Variants in AUTS2 observed in about 807,000 individuals in gnomAD.
AUTS2 encodes the protein autism susceptibility gene 2 protein.
AUTS2 carries 17 observed loss-of-function variants against 112.4 expected under a neutral mutation model. That is an observed-to-expected ratio of 0.15 (90% confidence interval 0.10 to 0.23). The LOEUF (loss-of-function observed/expected upper bound fraction) is 0.23. Ranked by LOEUF, AUTS2 falls within the 10% of genes least tolerant of loss-of-function variation. AUTS2 has a pLI of 1.00. For synonymous variants in AUTS2, 751 were observed against 702.7 expected (o/e 1.07, Z -1.09); for missense variants, 1,510 against 1,701.6 (o/e 0.89, Z 1.98).
chr7:70,515,933 C>A (rs1024174267), intron 5 of AUTS2, among the ~76,000 whole-genome samples: 9 of 152,216 alleles, frequency 5.9e-5, no homozygotes, highest in Non-Finnish European at 1.3e-4. Flanking sequence ...ACTTATCAGC[C>A]CTAAACAGAA....
chr7:69,895,690 A>G (rs553674846), intron 1 of AUTS2, among the ~76,000 whole-genome samples: 11 of 152,326 alleles, frequency 7.2e-5, no homozygotes, highest in Admixed American at 7.2e-4. Context: ...TGCAGTGAGA[A>G]TTCCTTGATT....
chr7:69,924,957 T>C (rs1318220268), intron 2 of AUTS2, among the ~76,000 whole-genome samples: 1 of 152,282 alleles, frequency 6.6e-6, no homozygotes, highest in East Asian at 1.9e-4. Flanking sequence ...TGTTCTTTAC[T>C]AAATATTGAA....
At chr7:70,687,549 T>G (rs1177023850) in intron 5 of AUTS2, among the ~76,000 whole-genome samples, 1 of 152,242 alleles carries the variant, frequency 6.6e-6, no homozygotes, top group Non-Finnish European at 1.5e-5. Context: ...CCTTGACTTC[T>G]ACACTCGGAA....
intron 8 of AUTS2, 138 bp from the exon 9 acceptor site, chr7:70,765,976 C>A (rs2129557448): frequency 7.0e-7 from 1 of 1,422,302 alleles, no homozygotes; most frequent in South Asian, 1.5e-5. Context: ...ATTGATTGCC[C>A]CCGTTTATCT....
chr7:69,899,994 GC>G (rs1794908064), intron 2 of AUTS2, among the ~76,000 whole-genome samples: 1 of 152,194 alleles, frequency 6.6e-6, no homozygotes, highest in Non-Finnish European at 1.5e-5. Context: ...AAATGAATTT[GC>G]CTTTTGGTGT....
chr7:70,071,241 G>A (rs931184646), intron 2 of AUTS2, among the ~76,000 whole-genome samples: 7 of 152,080 alleles, frequency 4.6e-5, no homozygotes, highest in South Asian at 2.1e-4. Flanking sequence ...AACTTACTTC[G>A]CAGCTCTCCT....
chr7:70,496,907 C>A (rs1798559901), intron 5 of AUTS2, among the ~76,000 whole-genome samples: 1 of 130,902 alleles, frequency 7.6e-6, no homozygotes, highest in Non-Finnish European at 1.6e-5. Flanking sequence ...ATCACACACC[C>A]CTCACACACA....
chr7:70,646,343 TC>T (rs1403719883), intron 5 of AUTS2, among the ~76,000 whole-genome samples: 2 of 152,204 alleles, frequency 1.3e-5, no homozygotes, highest in African/African-American at 2.4e-5. Flanking sequence ...AGGGGCCATT[TC>T]CCTCTCTGCC....
At chr7:69,828,464 TG>T (rs1791353993) in intron 1 of AUTS2, among the ~76,000 whole-genome samples, 1 of 152,174 alleles carries the variant, frequency 6.6e-6, no homozygotes, top group African/African-American at 2.4e-5. Flanking sequence ...GATGATATTG[TG>T]GAGCTGTTGA....
intron 1 of AUTS2, among the ~76,000 whole-genome samples, chr7:69,876,480 T>TTGTGTGTG (rs71097493): frequency 5.0e-5 from 3 of 60,506 alleles, no homozygotes; most frequent in African/African-American, 1.3e-4. Flanking sequence ...ATAAAATATT[T>TTGTGTGTG]TGTGTATATA....
intron 4 of AUTS2, among the ~76,000 whole-genome samples, chr7:70,364,143 C>T (rs569196933): frequency 3.9e-5 from 6 of 151,962 alleles, no homozygotes; most frequent in African/African-American, 9.7e-5. Flanking sequence ...ACAATTATCA[C>T]GTTGATATGG....
At chr7:70,151,519 G>T (rs1807440494) in intron 4 of AUTS2, among the ~76,000 whole-genome samples, 1 of 152,156 alleles carries the variant, frequency 6.6e-6, no homozygotes, top group Non-Finnish European at 1.5e-5. Context: ...TGTTGCCCAA[G>T]CTGGAGTGCA....
intron 4 of AUTS2, among the ~76,000 whole-genome samples, chr7:70,383,803 T>C (rs775731321): frequency 6.6e-6 from 1 of 152,218 alleles, no homozygotes; most frequent in African/African-American, 2.4e-5. Flanking sequence ...TTAGGAGACT[T>C]ACTGTTTGCT....
intron 1 of AUTS2, among the ~76,000 whole-genome samples, chr7:69,804,598 A>G (rs1228865590): frequency 6.6e-6 from 1 of 152,210 alleles, no homozygotes; most frequent in African/African-American, 2.4e-5. Context: ...ACTTTGCTTT[A>G]TCATTCTCCT....
chr7:70,386,262 CAT>C (rs1300971087), intron 4 of AUTS2, among the ~76,000 whole-genome samples: 1 of 152,204 alleles, frequency 6.6e-6, no homozygotes, highest in Non-Finnish European at 1.5e-5. Context: ...CCTTGCAAGA[CAT>C]AAAACCAAGA....
intron 2 of AUTS2, among the ~76,000 whole-genome samples, chr7:70,000,571 T>C (rs1799146153): frequency 6.6e-6 from 1 of 152,160 alleles, no homozygotes; most frequent in Non-Finnish European, 1.5e-5. Context: ...AAGACTGGTA[T>C]GGGGATTGTT....
chr7:69,843,061 G>A (rs903233191), intron 1 of AUTS2, among the ~76,000 whole-genome samples: 2 of 152,114 alleles, frequency 1.3e-5, no homozygotes, highest in Admixed American at 6.5e-5. Context: ...AAGGGCTGCA[G>A]TTAGTCCCTT....
At chr7:70,257,343 A>C (rs766357402) in intron 4 of AUTS2, among the ~76,000 whole-genome samples, 2 of 152,046 alleles carry the variant, frequency 1.3e-5, no homozygotes, top group African/African-American at 4.8e-5. Context: ...TTTGAGACAG[A>C]GTCTTGCTCT....
chr7:70,651,502 C>A (rs778636151), intron 5 of AUTS2, among the ~76,000 whole-genome samples: 1 of 152,200 alleles, frequency 6.6e-6, no homozygotes, highest in African/African-American at 2.4e-5. Context: ...AGCCCAGCCC[C>A]CCTTAAACAC....
Sources: allele counts gnomAD v4.1 joint callset (sites outside exome capture counted in the v4.1 genomes callset), GRCh38; gene constraint gnomAD v4.1.1; transcripts MANE v1.5; gene names NCBI Gene and HGNC (gene_info 2026-07-23, HGNC 2026-07-21).